The following SH2D4A variants were observed in gnomAD, a reference collection of about 807,000 sequenced individuals.
The protein encoded by SH2D4A is SH2 domain containing 4A, also known as SH2 domain-containing protein 4A.
In SH2D4A, 70 loss-of-function variants were observed where a neutral mutation model predicts 64.7. The observed-to-expected ratio is 1.08, with a 90% CI of 0.89 to 1.32. SH2D4A has a LOEUF of 1.32. SH2D4A is among the 40% of genes most tolerant of loss of function. The pLI is 0.00. For synonymous variants in SH2D4A, 268 were observed against 200.7 expected, an observed-to-expected ratio of 1.34 and a Z score of -2.83; for missense variants, 706 against 540.1, an observed-to-expected ratio of 1.31 and a Z score of -3.04.
At chr8:19,362,316 G>T (rs1448936948) in intron 6 of SH2D4A, among the ~76,000 whole-genome samples, 1 of 152,194 alleles carries the variant, frequency 6.6e-6, no homozygotes, top group African/African-American at 2.4e-5. Flanking sequence ...GACCAATACT[G>T]CCTGAAGTGT....
chr8:19,340,637 G>T lies in SH2D4A; in HGVS notation c.513+5780G>T, dbSNP rs1350736590. ...TTTTTTTTTTTTGAGACAGGGTCTT[G>T]CTCTATCAACCAGGCTGGAATACAG... is the stretch of plus-strand genomic sequence containing the variant. On this transcript the variant is annotated intron_variant, in intron 4 of 9. Coordinates refer to ENST00000265807, the MANE Select transcript of SH2D4A (RefSeq NM_022071.4). Among the ~76,000 whole-genome samples, 11 of 119,256 alleles carry T rather than the reference G, an allele frequency of 9.2e-5. No homozygotes were observed. The East Asian group carries it at 1.0e-3, about 11-fold the overall frequency. The allele number at this position is 119,256 out of a possible 152,430, so 78.2% of individuals were successfully genotyped here.
At chr8:19,366,457 C>G (rs1430174273) in intron 7 of SH2D4A, among the ~76,000 whole-genome samples, 2 of 152,052 alleles carry the variant, frequency 1.3e-5, no homozygotes, top group African/African-American at 4.8e-5. Context: ...ATTTACCATC[C>G]CCCCTACTCT....
In SH2D4A at chr8:19,394,732, C is replaced by T; in HGVS notation, c.*90C>T. ...ACATTTATGTGTGAAGCCAAAATCA[C>T]CCTGCAGCAGAGCCAATACTGATCA... On this transcript the variant is annotated 3_prime_UTR_variant, in exon 10 of 10. Coordinates refer to ENST00000265807, the MANE Select transcript of SH2D4A (RefSeq NM_022071.4). The T allele has an allele frequency of 1.1e-6, 1 of 945,766 alleles. No homozygotes were observed. The highest frequency in any genetic ancestry group is 1.6e-6 in the Non-Finnish European group (1 of 642,136). 58.6% of individuals were successfully genotyped at this position (945,766 alleles called of 1,614,324 possible).
intron 4 of SH2D4A, among the ~76,000 whole-genome samples, chr8:19,348,783 T>C (rs902363527): frequency 6.6e-6 from 1 of 152,176 alleles, no homozygotes; most frequent in African/African-American, 2.4e-5. Context: ...AAATAACACT[T>C]TAAGGTGATT....
At position 19,393,195 on chromosome 8, in the gene SH2D4A, A is replaced by G. The variant is rs2153652728; in HGVS notation, c.1049-123A>G. ...TCCTAAGAAGCCCAAAACAGACTTA[A>G]AATTGCTCTTATTGTGTCTTATTTA... On this transcript the variant is annotated intron_variant, in intron 8 of 9. Transcript: ENST00000265807. 4 of 824,034 alleles carry G rather than the reference A, an allele frequency of 4.9e-6. 1 individual carries two copies. Among genetic ancestry groups the G allele is most frequent in the Middle Eastern group, 4.5e-4 (2 of 4,412 alleles). 51.0% of individuals were successfully genotyped at this position (824,034 alleles called of 1,614,324 possible).
chr8:19,320,125 A>T (rs1315042880), intron 2 of SH2D4A, among the ~76,000 whole-genome samples: 1 of 152,126 alleles, frequency 6.6e-6, no homozygotes, highest in Non-Finnish European at 1.5e-5. Context: ...CATTTCTTAG[A>T]CCTCAGAGAT....
intron 1 of SH2D4A, among the ~76,000 whole-genome samples, chr8:19,315,748 C>T (rs1212345285): frequency 6.6e-6 from 1 of 152,198 alleles, no homozygotes; most frequent in African/African-American, 2.4e-5. Flanking sequence ...GGAAAGTCCT[C>T]TGAGTTTGAA....
chr8:19,391,857 G>T (rs2053498494), intron 8 of SH2D4A, among the ~76,000 whole-genome samples: 1 of 152,222 alleles, frequency 6.6e-6, no homozygotes, highest in Non-Finnish European at 1.5e-5. Flanking sequence ...CTTTTCCTGA[G>T]GTGGTTCTGT....
intron 7 of SH2D4A, among the ~76,000 whole-genome samples, chr8:19,370,391 T>A (rs1449035791): frequency 1.3e-5 from 2 of 152,090 alleles, no homozygotes; most frequent in Non-Finnish European, 2.9e-5. Context: ...GGTATATTAA[T>A]ATTTGCTTTC....
intron 2 of SH2D4A, among the ~76,000 whole-genome samples, chr8:19,322,538 C>A (rs1354582469): frequency 7.2e-5 from 11 of 152,030 alleles, no homozygotes; most frequent in Non-Finnish European, 1.5e-5. Flanking sequence ...AATACACAGA[C>A]CCCTGTGCTT....
intron 8 of SH2D4A, among the ~76,000 whole-genome samples, chr8:19,376,672 C>G (rs1318734041): frequency 6.6e-6 from 1 of 151,922 alleles, no homozygotes; most frequent in Non-Finnish European, 1.5e-5. Context: ...AAAATCCTTC[C>G]CAGAGACATC....
intron 4 of SH2D4A, among the ~76,000 whole-genome samples, chr8:19,335,604 T>C (rs1012256589): frequency 2.0e-5 from 3 of 152,220 alleles, no homozygotes; most frequent in Non-Finnish European, 4.4e-5. Flanking sequence ...AATAAAACTT[T>C]ATTTTCAAGC....
intron 4 of SH2D4A, among the ~76,000 whole-genome samples, chr8:19,335,226 T>G (rs2052427923): frequency 6.6e-6 from 1 of 151,624 alleles, no homozygotes; most frequent in South Asian, 2.1e-4. Context: ...AGGTGGAGCT[T>G]GCAGTGAGCC....
chr8:19,326,665 T>C (rs937429254), intron 2 of SH2D4A, among the ~76,000 whole-genome samples: 1 of 152,034 alleles, frequency 6.6e-6, no homozygotes, highest in East Asian at 1.9e-4. Flanking sequence ...TATGTGTGAG[T>C]GTGTGTGTGT....
chr8:19,314,088 C>T, intron 1 of SH2D4A: 3 of 725,650 alleles, frequency 4.1e-6, no homozygotes, highest in Non-Finnish European at 5.1e-6. Context: ...AGGTGAGCGG[C>T]GGTCCCCGGG....
At chr8:19,385,938 A>T (rs2153651739) in intron 8 of SH2D4A, among the ~76,000 whole-genome samples, 1 of 152,328 alleles carries the variant, frequency 6.6e-6, no homozygotes, top group East Asian at 1.9e-4. Context: ...GTCTTCACTG[A>T]GCACAGAGTA....
At position 19,361,550 on chromosome 8, in the gene SH2D4A, A is replaced by G. The variant is rs75133177; in HGVS notation, c.706+236A>G. 4.3e-4 allele frequency among the ~76,000 whole-genome samples: 64 copies of G among 148,512 alleles called. 2 individuals are homozygous for G. The East Asian group carries it at 0.012, about 29-fold the overall frequency. ...CCAAAATTATGATGTAATTTATCAA[A>G]TAGCATGATATATAGCTATGGAAAA... On this transcript the variant is annotated intron_variant, in intron 6 of 9. Transcript: ENST00000265807.
chr8:19,390,037 T>TA (rs979022818), intron 8 of SH2D4A, among the ~76,000 whole-genome samples: 2 of 152,030 alleles, frequency 1.3e-5, no homozygotes, highest in African/African-American at 4.8e-5. Context: ...TCAGAATTCT[T>TA]AGAGTTGTGC....
At chr8:19,324,427 C>T (rs1397664646) in intron 2 of SH2D4A, among the ~76,000 whole-genome samples, 1 of 152,156 alleles carries the variant, frequency 6.6e-6, no homozygotes, top group Non-Finnish European at 1.5e-5. Context: ...AATGTTAAGG[C>T]CATTGGTTCA....
Sources: allele counts gnomAD v4.1 joint callset (sites outside exome capture counted in the v4.1 genomes callset), GRCh38; gene constraint gnomAD v4.1.1; transcripts MANE v1.5; gene names NCBI Gene and HGNC (gene_info 2026-07-23, HGNC 2026-07-21).